The following MRPS6 variants were observed in gnomAD, a reference collection of about 807,000 sequenced individuals.
MRPS6 encodes the protein mitochondrial ribosomal protein S6.
In MRPS6, 6 loss-of-function variants were observed where a neutral mutation model predicts 13.1. That is an observed-to-expected ratio of 0.46 (90% CI 0.25 to 0.91). The LOEUF (loss-of-function observed/expected upper bound fraction) is 0.91. MRPS6 is among the 40% of genes least tolerant of loss of function. The pLI is 0.18. For synonymous variants in MRPS6, 61 were observed against 56.5 expected, an observed-to-expected ratio of 1.08 and a Z score of -0.36; for missense variants, 164 against 155.6, an observed-to-expected ratio of 1.05 and a Z score of -0.29.
At position 34,125,424 on chromosome 21, in the gene MRPS6, T is replaced by C. The variant is rs1177755119; in HGVS notation, c.129T>C (p.Gly43=). 10 of 1,613,910 alleles carry C rather than the reference T, an allele frequency of 6.2e-6. No individual in the cohort carries two copies. The highest frequency in any genetic ancestry group is 7.6e-6 in the Non-Finnish European group (9 of 1,179,962). Reference sequence around the variant, plus strand: ...TAGTGAGGGACTTGGAAAACCTGGGTGAACGAGCGCTTCCTTATAGGATCT... The same window carrying C: ...TAGTGAGGGACTTGGAAAACCTGGGCGAACGAGCGCTTCCTTATAGGATCT... The part of the protein sequence containing the change: ...GAIVRDLENL[G]ERALPYRISA... Residue 43 remains glycine, a synonymous_variant, in exon 2 of 3, where the codon GGT becomes GGC. Transcript: ENST00000399312.
At position 34,073,735 on chromosome 21, in the gene MRPS6, C is replaced by T. The variant is rs531285571; in HGVS notation, c.35C>T (p.Ala12Val). 81 of 1,527,888 alleles carry T rather than the reference C, an allele frequency of 5.3e-5. No individual in the cohort carries two copies. In the South Asian group the frequency reaches 8.6e-4, roughly 16 times the overall value. 94.6% of individuals were successfully genotyped at this position (1,527,888 alleles called of 1,614,324 possible). ...TACGAGCTGGCTTTAATCCTGAAAG[C>T]CATGCAGCGGGTAAGTGACCTTCCC... ...PRYELALILK[A>V]MQRPETAATL... The change falls in exon 1 of 3, where the codon GCC (alanine) becomes GTC (valine). Residue 12 changes from alanine (A) to valine (V), a missense_variant. Physicochemically the swap from Ala to Val is moderately conservative, Grantham distance 64. Transcript: ENST00000399312.
intron 1 of MRPS6, among the ~76,000 whole-genome samples, chr21:34,106,790 G>T (rs976271372): frequency 6.6e-6 from 1 of 152,208 alleles, no homozygotes; most frequent in African/African-American, 2.4e-5. Flanking sequence ...AGACTATTCA[G>T]ATATTCCTGG....
chr21:34,082,056 T>C (rs758713932), intron 1 of MRPS6, among the ~76,000 whole-genome samples: 4 of 101,364 alleles, frequency 3.9e-5, no homozygotes, highest in African/African-American at 8.3e-5. Context: ...GGAAATCTGG[T>C]TTTTTTTTTT....
chr21:34,104,485 G>C, intron 1 of MRPS6: 2 of 997,834 alleles, frequency 2.0e-6, no homozygotes, highest in Non-Finnish European at 2.4e-6. Context: ...GACTACCTTT[G>C]TTCCTACTCT....
In MRPS6 at chr21:34,125,455, C is replaced by T. The variant is rs184145832; in HGVS notation, c.160C>T (p.His54Tyr). The change falls in exon 2 of 3, where the codon CAC (histidine) becomes TAC (tyrosine). Residue 54 changes from histidine (H) to tyrosine (Y), a missense_variant. Coordinates refer to ENST00000399312, the MANE Select transcript of MRPS6 (RefSeq NM_032476.4). ...ERALPYRISAHSQQHNRGGYF... is the reference protein window; with the variant it reads ...ERALPYRISAYSQQHNRGGYF... ...AGCGCTTCCTTATAGGATCTCTGCC[C>T]ACAGTCAGCAGCACAACAGAGGCGG... 1 of 1,614,030 alleles carries T rather than the reference C, an allele frequency of 6.2e-7. No homozygotes were observed. The highest frequency in any genetic ancestry group is 1.7e-5 in the Admixed American group (1 of 60,020).
At chr21:34,095,109 A>G (rs951365831) in intron 1 of MRPS6, 355 of 1,516,762 alleles carry the variant, frequency 2.3e-4, no homozygotes, top group Non-Finnish European at 3.0e-4. Flanking sequence ...CAGTTCACGT[A>G]TGGTTTACAG....
intron 1 of MRPS6, among the ~76,000 whole-genome samples, chr21:34,110,613 C>T (rs1979657824): frequency 6.6e-6 from 1 of 152,116 alleles, no homozygotes; most frequent in South Asian, 2.1e-4. Flanking sequence ...GTGTAGTAAA[C>T]AGTTATTTGT....
At chr21:34,109,320 C>T (rs1423930542) in intron 1 of MRPS6, among the ~76,000 whole-genome samples, 2 of 152,148 alleles carry the variant, frequency 1.3e-5, no homozygotes, top group South Asian at 2.1e-4. Flanking sequence ...GCTGGCATCA[C>T]GATTGGGCCT....
intron 1 of MRPS6, chr21:34,098,360 C>T: frequency 1.0e-6 from 1 of 1,000,192 alleles, no homozygotes; most frequent in Non-Finnish European, 1.2e-6. Flanking sequence ...CCTTTGTGTG[C>T]TGGATTGCTC....
At chr21:34,114,939 A>G (rs1308425465) in intron 1 of MRPS6, among the ~76,000 whole-genome samples, 1 of 152,212 alleles carries the variant, frequency 6.6e-6, no homozygotes, top group African/African-American at 2.4e-5. Flanking sequence ...TTTGATTCCA[A>G]TGCTGGTATT....
At chr21:34,138,109 T>C (rs541896165) in intron 2 of MRPS6, among the ~76,000 whole-genome samples, 100 of 152,206 alleles carry the variant, frequency 6.6e-4, no homozygotes, top group Middle Eastern at 3.4e-3. Context: ...ACAGAACAAA[T>C]TGAGATGTGT....
intron 1 of MRPS6, chr21:34,094,940 C>T (rs1032939006): frequency 9.5e-6 from 4 of 421,436 alleles, no homozygotes; most frequent in Non-Finnish European, 1.7e-5. Flanking sequence ...TGCTGATGGT[C>T]TTGTGGAGAG....
rs770757642 is a variant in MRPS6, at chr21:34,096,425, T to C, written c.45+22680T>C. ...GCGCAAGCTCCCGGGAGTTAATGATTGTGGGGAGGATATTTGTGGCATTTA... is the reference window on the plus strand; with the variant it reads ...GCGCAAGCTCCCGGGAGTTAATGATCGTGGGGAGGATATTTGTGGCATTTA... On this transcript the variant is annotated intron_variant, in intron 1 of 2. Coordinates refer to ENST00000399312, the MANE Select transcript of MRPS6 (RefSeq NM_032476.4). The surrounding 1 kb of genome is among the most constrained non-coding windows in gnomAD (Gnocchi z 5.9). 6.2e-7 allele frequency: 1 copy of C among 1,614,030 alleles called. No individual in the cohort carries two copies. Among genetic ancestry groups the C allele is most frequent in the African/African-American group, 1.3e-5 (1 of 74,918 alleles).
chr21:34,092,739 A>G (rs112083588), intron 1 of MRPS6, among the ~76,000 whole-genome samples: 3 of 152,230 alleles, frequency 2.0e-5, no homozygotes, highest in Non-Finnish European at 4.4e-5. Flanking sequence ...TGCAGCAGCT[A>G]CTATGACACA....
intron 1 of MRPS6, chr21:34,103,447 T>TA (rs1289336183): frequency 2.0e-6 from 2 of 998,698 alleles, no homozygotes; most frequent in African/African-American, 1.7e-5. Flanking sequence ...ATTAAAAACT[T>TA]AAAGTTACTT....
intron 2 of MRPS6, among the ~76,000 whole-genome samples, chr21:34,126,603 CTGTT>C (rs1300592322): frequency 1.3e-5 from 2 of 152,216 alleles, no homozygotes; most frequent in African/African-American, 2.4e-5. Flanking sequence ...GTCTGTCTGT[CTGTT>C]TCTTTTAAAC....
At chr21:34,111,230 C>A (rs1979686581) in intron 1 of MRPS6, among the ~76,000 whole-genome samples, 1 of 152,096 alleles carries the variant, frequency 6.6e-6, no homozygotes, top group Admixed American at 6.5e-5. Flanking sequence ...GGCAAATTGG[C>A]ATATATGGAT....
In MRPS6 at chr21:34,091,014, TTG is replaced by T. The variant is rs572986913; in HGVS notation, c.45+17271_45+17272del. On this transcript the variant is annotated intron_variant, in intron 1 of 2. Coordinates refer to ENST00000399312, the MANE Select transcript of MRPS6 (RefSeq NM_032476.4). The stretch of plus-strand genomic sequence containing the variant: ...TTTTTGGTAGGTTACACAAAAGTGA[TTG>T]TAATTCAGGTAATTAGTTTTCAGAG... Among the ~76,000 whole-genome samples, 26 of 61,490 alleles carry T rather than the reference TTG, an allele frequency of 4.2e-4. No individual in the cohort carries two copies. In the East Asian group the frequency reaches 0.012, roughly 28 times the overall value. 40.3% of individuals were successfully genotyped at this position (61,490 alleles called of 152,430 possible). A position where few individuals can be genotyped will look rare whatever the true frequency, so the allele number is the denominator to read the frequency against.
intron 2 of MRPS6, among the ~76,000 whole-genome samples, chr21:34,138,324 C>A (rs1980779053): frequency 6.6e-6 from 1 of 151,814 alleles, no homozygotes; most frequent in South Asian, 2.1e-4. Flanking sequence ...GATGTGAAGT[C>A]CTTGCCCATG....
Sources: gnomAD v4.1 joint callset for allele counts (sites outside exome capture counted in the v4.1 genomes callset) on GRCh38, gnomAD v4.1.1 for gene constraint, Gnocchi (gnomAD v3.1) non-coding constraint, MANE v1.5 for transcripts, NCBI Gene and HGNC (gene_info 2026-07-23, HGNC 2026-07-21) for gene names.